ZNF827: variants seen among roughly 807,000 people sequenced by gnomAD.
ZNF827 encodes the protein zinc finger protein 827.
A neutral mutation model predicts 102.4 loss-of-function variants in ZNF827; 13 were observed. That is an observed-to-expected ratio of 0.13 (90% CI 0.08 to 0.20). ZNF827 has a LOEUF of 0.20. ZNF827 is among the 10% of genes least tolerant of loss of function. The pLI is 1.00. For synonymous variants in ZNF827, 523 were observed against 536.2 expected, an observed-to-expected ratio of 0.98 and a Z score of 0.34; for missense variants, 1,103 against 1,344.4, an observed-to-expected ratio of 0.82 and a Z score of 2.81.
intron 2 of ZNF827, among the ~76,000 whole-genome samples, chr4:145,893,702 C>T (rs1460294198): frequency 6.6e-6 from 1 of 152,246 alleles, no homozygotes; most frequent in African/African-American, 2.4e-5. Context: ...ATACCATGTG[C>T]CTTCTGATAT....
In ZNF827 at chr4:145,870,344, C is replaced by T. The variant is rs772301328; in HGVS notation, c.1882G>A (p.Val628Ile). Reference protein sequence around the residue: ...SPESEVSAPGVSEDALKPQEG... With the variant: ...SPESEVSAPGISEDALKPQEG... ...TGGGGCTTTAGTGCGTCCTCAGAGACGCCTGGGGCTGACACTTCAGATTCC... is the reference window on the plus strand; with the variant it reads ...TGGGGCTTTAGTGCGTCCTCAGAGATGCCTGGGGCTGACACTTCAGATTCC... The change falls in exon 5 of 15, where the codon GTC (valine) becomes ATC (isoleucine). Residue 628 changes from valine (V) to isoleucine (I), a missense_variant. This residue lies in a region of ZNF827 where 243 missense variants were observed against 251.6 expected (regional missense o/e 0.97). Transcript: ENST00000508784. The T allele has an allele frequency of 6.2e-6, 10 of 1,614,016 alleles. No individual in the cohort carries two copies. The highest frequency in any genetic ancestry group is 2.2e-5 in the East Asian group (1 of 44,898).
At chr4:145,812,171 C>T (rs550681935) in intron 8 of ZNF827, among the ~76,000 whole-genome samples, 1 of 152,132 alleles carries the variant, frequency 6.6e-6, no homozygotes, top group East Asian at 1.9e-4. Context: ...GGTGATCCGC[C>T]TGCCTTGGCC....
intron 1 of ZNF827, among the ~76,000 whole-genome samples, chr4:145,911,079 T>C (rs1371172089): frequency 6.6e-6 from 1 of 152,228 alleles, no homozygotes; most frequent in Non-Finnish European, 1.5e-5. Flanking sequence ...AAATAAGAAC[T>C]ATTTTCAAAA....
At chr4:145,864,511 T>C (rs1320511632) in intron 5 of ZNF827, among the ~76,000 whole-genome samples, 1 of 151,716 alleles carries the variant, frequency 6.6e-6, no homozygotes, top group Admixed American at 6.6e-5. Context: ...GGAGGATCGC[T>C]TGAGCCTAGG....
At chr4:145,893,656 C>G (rs796535990) in intron 2 of ZNF827, among the ~76,000 whole-genome samples, 5 of 152,212 alleles carry the variant, frequency 3.3e-5, no homozygotes, top group African/African-American at 1.2e-4. Context: ...CACCTAAAAC[C>G]ACTAATTAAT....
Position 145,765,243 on chromosome 4 carries a change from C to CGA in ZNF827, c.3053-79_3053-78insTC. On this transcript the variant is annotated intron_variant, in intron 12 of 14. Transcript: ENST00000508784. The surrounding 1 kb of genome is among the most constrained non-coding windows in gnomAD (Gnocchi z 4.7). The stretch of plus-strand genomic sequence containing the variant: ...GGCAGGAGTGGAGCCAAGCTCCTCC[C>CGA]CACTTCCTCCCGCCTCCTCCGACGC... 1 of 1,440,488 alleles carries CGA rather than the reference C, an allele frequency of 6.9e-7. No individual in the cohort carries two copies. The highest frequency in any genetic ancestry group is 9.3e-7 in the Non-Finnish European group (1 of 1,077,834). 89.2% of individuals were successfully genotyped at this position (1,440,488 alleles called of 1,614,324 possible).
In ZNF827 at chr4:145,838,425, C is replaced by A. The variant is rs1260031314; in HGVS notation, c.2279+7531G>T. Among the ~76,000 whole-genome samples the A allele has an allele frequency of 3.3e-5, 5 of 152,204 alleles. No individual in the cohort carries two copies. The East Asian group carries it at 9.6e-4, about 29-fold the overall frequency. On this transcript the variant is annotated intron_variant, in intron 7 of 14. Coordinates refer to ENST00000508784, the MANE Select transcript of ZNF827 (RefSeq NM_001306215.2). ...GCTGACTCTTTTCGGACTCAGCCCA[C>A]CTGCACCCAGGTGAAATAAACAGCC...
At chr4:145,916,346 T>A (rs569230796) in intron 1 of ZNF827, among the ~76,000 whole-genome samples, 1 of 152,230 alleles carries the variant, frequency 6.6e-6, no homozygotes, top group Admixed American at 6.5e-5. Flanking sequence ...GCTTACACCT[T>A]CCAAAGCTGT....
At chr4:145,809,658 G>A (rs961597587) in intron 8 of ZNF827, among the ~76,000 whole-genome samples, 10 of 152,098 alleles carry the variant, frequency 6.6e-5, no homozygotes, top group African/African-American at 2.4e-4. Flanking sequence ...TCTAAGATTG[G>A]TCTTTTGAGA....
intron 1 of ZNF827, among the ~76,000 whole-genome samples, chr4:145,923,819 C>A (rs72725717): frequency 5.3e-5 from 8 of 152,266 alleles, no homozygotes; most frequent in Non-Finnish European, 1.2e-4. Flanking sequence ...GTTTTAATCT[C>A]TACCATGATA....
intron 9 of ZNF827, among the ~76,000 whole-genome samples, chr4:145,776,456 G>T (rs1352232276): frequency 2.2e-5 from 3 of 138,040 alleles, no homozygotes; most frequent in Non-Finnish European, 4.7e-5. Context: ...GATAAACCTT[G>T]TTTCAAAAAA....
intron 1 of ZNF827, among the ~76,000 whole-genome samples, chr4:145,912,320 T>C (rs1752351193): frequency 1.3e-5 from 2 of 152,242 alleles, no homozygotes; most frequent in Non-Finnish European, 2.9e-5. Context: ...GTATTTTAAG[T>C]TCTTATTCCT....
chr4:145,833,747 C>T (rs1236992020), intron 7 of ZNF827, among the ~76,000 whole-genome samples: 3 of 151,712 alleles, frequency 2.0e-5, no homozygotes, highest in African/African-American at 4.8e-5. Context: ...TATCTCTGCA[C>T]CCCAATCCCT....
intron 2 of ZNF827, among the ~76,000 whole-genome samples, chr4:145,893,564 A>G (rs1750766474): frequency 6.6e-6 from 1 of 152,202 alleles, no homozygotes; most frequent in African/African-American, 2.4e-5. Flanking sequence ...TTTGTTTTCT[A>G]AAAAAGTGGA....
intron 2 of ZNF827, among the ~76,000 whole-genome samples, chr4:145,901,237 C>T (rs1751384425): frequency 6.6e-6 from 1 of 152,186 alleles, no homozygotes; most frequent in African/African-American, 2.4e-5. Flanking sequence ...ATGCACATAG[C>T]CTACTTCCTG....
intron 6 of ZNF827, among the ~76,000 whole-genome samples, chr4:145,846,651 T>C (rs1745980242): frequency 1.5e-5 from 2 of 136,078 alleles, no homozygotes; most frequent in African/African-American, 5.7e-5. Context: ...AACCCGTCTC[T>C]ACTAAAAATA....
intron 1 of ZNF827, among the ~76,000 whole-genome samples, chr4:145,921,470 CAAAAAAAA>C (rs35423633): frequency 1.8e-5 from 1 of 54,122 alleles, no homozygotes; most frequent in African/African-American, 7.8e-5. Flanking sequence ...GAGACTCAGG[CAAAAAAAA>C]AAAAAAAAAA....
At chr4:145,829,567 A>G (rs1190670879) in intron 7 of ZNF827, among the ~76,000 whole-genome samples, 2 of 152,344 alleles carry the variant, frequency 1.3e-5, no homozygotes, top group South Asian at 2.1e-4. Flanking sequence ...CTTTTGTGTT[A>G]CTTTAAGGAA....
intron 8 of ZNF827, among the ~76,000 whole-genome samples, chr4:145,783,121 G>A (rs1738334899): frequency 6.6e-6 from 1 of 152,156 alleles, no homozygotes; most frequent in African/African-American, 2.4e-5. Flanking sequence ...AGTCCAACGT[G>A]AAGCAGTACT....
Sources: allele counts gnomAD v4.1 joint callset (sites outside exome capture counted in the v4.1 genomes callset), GRCh38; gene constraint gnomAD v4.1.1; regional missense constraint gnomAD v4.1.1; non-coding constraint Gnocchi (gnomAD v3.1); transcripts MANE v1.5; gene names NCBI Gene and HGNC (gene_info 2026-07-23, HGNC 2026-07-21).